The following PCED1B variants were observed in gnomAD, a reference collection of about 807,000 sequenced individuals.
The protein encoded by PCED1B is PC-esterase domain-containing protein 1B.
For synonymous variants in PCED1B, 251 were observed against 246.1 expected (o/e 1.02, Z -0.19); for missense variants, 573 against 573.9 (o/e 1.00, Z 0.02).
intron 3 of PCED1B, among the ~76,000 whole-genome samples, chr12:47,226,921 T>A (rs192567965): frequency 8.1e-4 from 124 of 152,326 alleles, no homozygotes; most frequent in African/African-American, 2.2e-3. Context: ...ACATTTTTTT[T>A]AAATTAGAGA....
At chr12:47,165,716 T>C (rs552423189) in intron 2 of PCED1B, among the ~76,000 whole-genome samples, 2 of 152,304 alleles carry the variant, frequency 1.3e-5, no homozygotes, top group South Asian at 2.1e-4. Context: ...AAAAAGTTTT[T>C]CCAAATAGTG....
intron 2 of PCED1B, among the ~76,000 whole-genome samples, chr12:47,192,699 G>A (rs935332982): frequency 3.3e-5 from 5 of 152,114 alleles, no homozygotes; most frequent in Non-Finnish European, 7.4e-5. Flanking sequence ...GACTCCCAGG[G>A]CTCTCCATAG....
intron 2 of PCED1B, among the ~76,000 whole-genome samples, chr12:47,106,489 A>T (rs1215859334): frequency 6.6e-6 from 1 of 152,152 alleles, no homozygotes; most frequent in Non-Finnish European, 1.5e-5. Flanking sequence ...CTCCCTCGGA[A>T]CAGCCCTCTG....
chr12:47,132,545 T>C (rs10506271), intron 2 of PCED1B, among the ~76,000 whole-genome samples: 3,467 of 152,286 alleles, frequency 0.023, 106 homozygotes, highest in East Asian at 0.075. Context: ...GATGGTTTAT[T>C]TGAAGTCATC....
At chr12:47,165,535 A>C (rs1205996173) in intron 2 of PCED1B, among the ~76,000 whole-genome samples, 5 of 152,236 alleles carry the variant, frequency 3.3e-5, no homozygotes, top group African/African-American at 1.2e-4. Flanking sequence ...TGTTTTAATA[A>C]TGTTTCTACA....
chr12:47,146,631 T>A (rs1940794518), intron 2 of PCED1B, among the ~76,000 whole-genome samples: 1 of 152,202 alleles, frequency 6.6e-6, no homozygotes, highest in African/African-American at 2.4e-5. Flanking sequence ...ATGGCTCAGA[T>A]GATTATTAGC....
intron 1 of PCED1B, among the ~76,000 whole-genome samples, chr12:47,084,145 A>T (rs896681879): frequency 3.9e-5 from 6 of 152,230 alleles, no homozygotes; most frequent in African/African-American, 1.4e-4. Context: ...TCTACTGAAC[A>T]TCATAGTTTA....
At chr12:47,132,130 A>T (rs956568740) in intron 2 of PCED1B, among the ~76,000 whole-genome samples, 2 of 152,120 alleles carry the variant, frequency 1.3e-5, no homozygotes, top group African/African-American at 4.8e-5. Context: ...AAAAACACTA[A>T]CTGGCTGCCA....
chr12:47,094,720 T>C (rs2137189059), intron 1 of PCED1B, among the ~76,000 whole-genome samples: 1 of 152,280 alleles, frequency 6.6e-6, no homozygotes, highest in Admixed American at 6.5e-5. Flanking sequence ...GATTTTGTTC[T>C]TTTTGCCACA....
intron 2 of PCED1B, among the ~76,000 whole-genome samples, chr12:47,152,274 C>T (rs9634310): frequency 0.38 from 57,287 of 151,998 alleles, 11,315 homozygotes; most frequent in East Asian, 0.62. Flanking sequence ...CTGGCCAAGA[C>T]CACATTAACC....
At chr12:47,129,778 T>C (rs1348289509) in intron 2 of PCED1B, among the ~76,000 whole-genome samples, 2 of 152,160 alleles carry the variant, frequency 1.3e-5, no homozygotes, top group Admixed American at 1.3e-4. Context: ...GAGGAGACCA[T>C]GCGTCTGGCA....
intron 2 of PCED1B, among the ~76,000 whole-genome samples, chr12:47,212,621 T>C (rs1031106314): frequency 1.3e-5 from 2 of 152,202 alleles, no homozygotes; most frequent in African/African-American, 4.8e-5. Context: ...GATGGTGTCA[T>C]ACCAGCCCAT....
intron 3 of PCED1B, chr12:47,224,110 A>T (rs1943564975): frequency 6.6e-6 from 1 of 152,208 alleles, no homozygotes; most frequent in South Asian, 2.1e-4. Flanking sequence ...ATGATGCAAG[A>T]CCATCATGTA....
intron 2 of PCED1B, among the ~76,000 whole-genome samples, chr12:47,104,913 C>T (rs748846501): frequency 6.6e-6 from 1 of 152,168 alleles, no homozygotes; most frequent in Non-Finnish European, 1.5e-5. Context: ...CGGCTCGCCC[C>T]GGGCTTCCCC....
chr12:47,175,791 C>T (rs534698733), intron 2 of PCED1B, among the ~76,000 whole-genome samples: 3 of 152,074 alleles, frequency 2.0e-5, no homozygotes, highest in South Asian at 2.1e-4. Flanking sequence ...AGGCTGATCT[C>T]GAACTCCTGA....
At chr12:47,115,093 C>A (rs888585890) in intron 2 of PCED1B, among the ~76,000 whole-genome samples, 1 of 152,060 alleles carries the variant, frequency 6.6e-6, no homozygotes, top group African/African-American at 2.4e-5. Context: ...TATAATAAAG[C>A]CTGGACACAG....
chr12:47,111,130 A>C (rs1939176161), intron 2 of PCED1B, among the ~76,000 whole-genome samples: 1 of 152,224 alleles, frequency 6.6e-6, no homozygotes, highest in Non-Finnish European at 1.5e-5. Flanking sequence ...TAGAAGCCCA[A>C]GGATGCTATG....
intron 2 of PCED1B, among the ~76,000 whole-genome samples, chr12:47,183,679 C>A (rs1453857940): frequency 1.3e-5 from 2 of 152,156 alleles, no homozygotes; most frequent in African/African-American, 2.4e-5. Flanking sequence ...ATCCTGGTAA[C>A]TTTCACTACT....
At chr12:47,127,678 C>CGA (rs1939950429) in intron 2 of PCED1B, among the ~76,000 whole-genome samples, 6 of 151,844 alleles carry the variant, frequency 4.0e-5, no homozygotes, top group African/African-American at 1.5e-4. Flanking sequence ...CTTTTTATTT[C>CGA]TAATTTAATT....
Sources: allele counts gnomAD v4.1 joint callset (sites outside exome capture counted in the v4.1 genomes callset), GRCh38; gene constraint gnomAD v4.1.1; transcripts MANE v1.5; gene names NCBI Gene and HGNC (gene_info 2026-07-23, HGNC 2026-07-21).